Variants in TXNDC5 observed in about 807,000 individuals in gnomAD.
TXNDC5 encodes the protein thioredoxin domain containing 5, also known as thioredoxin domain-containing protein 5.
Under a neutral mutation model 52.6 loss-of-function variants are expected in TXNDC5, and 44 were observed. The ratio of observed to expected loss-of-function variants is 0.84; its 90% CI spans 0.66 to 1.08. TXNDC5 has a LOEUF of 1.08. Among genes scored for constraint, TXNDC5 ranks in the 50% least tolerant of loss-of-function variants. TXNDC5 has a pLI of 0.00. For synonymous variants in TXNDC5, 241 were observed against 234.4 expected (o/e 1.03, Z -0.26); for missense variants, 600 against 565.5 (o/e 1.06, Z -0.62).
chr6:7,893,336 G>C (rs574575057), intron 4 of TXNDC5, among the ~76,000 whole-genome samples: 86 of 152,358 alleles, frequency 5.6e-4, no homozygotes, highest in African/African-American at 2.0e-3. Flanking sequence ...TCCTTTAAAA[G>C]TTAACAACTT....
rs768919221 is a variant in TXNDC5, at chr6:7,884,403, C to T, written c.1132G>A (p.Glu378Lys). ...FPGLAGVKIA[E>K]VDCTAERNIC... ...TTCCGTTCAGCAGTGCAGTCTACTT[C>T]GGCGATCTTGACCCCCGCCAGACCA... Residue 378 changes from glutamate to lysine, a missense_variant, in exon 9 of 10, where the codon GAA becomes AAA. By Grantham distance (56) the Glu-to-Lys change is moderately conservative. Transcript: ENST00000379757. 2.5e-5 allele frequency: 40 copies of T among 1,613,964 alleles called. No individual in the cohort carries two copies. Among genetic ancestry groups the T allele is most frequent in the Middle Eastern group, 1.6e-4 (1 of 6,084 alleles).
chr6:7,892,565 CAT>C (rs557683931), intron 4 of TXNDC5, among the ~76,000 whole-genome samples: 197 of 152,358 alleles, frequency 1.3e-3, no homozygotes, highest in African/African-American at 4.2e-3. Context: ...TGAATTCCCA[CAT>C]GTCGTGGGAG....
intron 2 of TXNDC5, among the ~76,000 whole-genome samples, chr6:7,900,847 G>C (rs886452519): frequency 1.3e-5 from 2 of 152,094 alleles, no homozygotes; most frequent in African/African-American, 4.8e-5. Context: ...CTATTCATGA[G>C]AGCTCCACCC....
At chr6:7,896,899 G>A (rs1489860482) in intron 3 of TXNDC5, among the ~76,000 whole-genome samples, 1 of 152,098 alleles carries the variant, frequency 6.6e-6, no homozygotes, top group African/African-American at 2.4e-5. Context: ...AGCTGATATG[G>A]TGCTTAAGAA....
In TXNDC5 at chr6:7,899,664, G is replaced by A; in HGVS notation, c.431C>T (p.Pro144Leu). ...RGYPTLKLFK[P>L]GQEAVKYQGP... ...CTGGTACTTCACAGCTTCTTGGCCT[G>A]GCTTGAAAAGCTTTAAGCTGAAAGA... Residue 144 changes from proline to leucine, a missense_variant, in exon 3 of 10, where the codon CCA becomes CTA. Coordinates refer to ENST00000379757, the MANE Select transcript of TXNDC5 (RefSeq NM_030810.5). The A allele has an allele frequency of 3.1e-6, 5 of 1,613,940 alleles. No individual in the cohort carries two copies. Among genetic ancestry groups the A allele is most frequent in the Non-Finnish European group, 4.2e-6 (5 of 1,179,928 alleles).
chr6:7,900,194 C>T (rs552502148), intron 2 of TXNDC5: 1 of 152,508 alleles, frequency 6.6e-6, no homozygotes, highest in South Asian at 2.1e-4. Context: ...TTGACATTGA[C>T]TGATGCTGTC....
intron 3 of TXNDC5, among the ~76,000 whole-genome samples, chr6:7,898,813 T>C (rs978080594): frequency 1.3e-5 from 2 of 152,022 alleles, no homozygotes; most frequent in Admixed American, 1.3e-4. Flanking sequence ...CAACATCAAC[T>C]GGGGAGGGGG....
intron 1 of TXNDC5, among the ~76,000 whole-genome samples, chr6:7,909,397 C>T (rs1229370352): frequency 1.3e-5 from 2 of 152,190 alleles, no homozygotes; most frequent in African/African-American, 4.8e-5. Context: ...ACTTCCCTTC[C>T]TCGGGGCATC....
rs545983167 is a variant in TXNDC5 at position 7,884,236 on chromosome 6, G to A, written c.1176+123C>T. On this transcript the variant is annotated intron_variant, in intron 9 of 9. Transcript: ENST00000379757. ...TGCTTCTCCAAACAAACAACTCAAA[G>A]GGACATAAAAACCACATTGTTGAGA... 37 of 1,331,174 alleles carry A rather than the reference G, an allele frequency of 2.8e-5. No homozygotes were observed. The African/African-American group carries it at 3.2e-4, about 12-fold the overall frequency. 82.5% of individuals were successfully genotyped at this position (1,331,174 alleles called of 1,614,324 possible). A position where few individuals can be genotyped will look rare whatever the true frequency, so the allele number is the denominator to read the frequency against.
At chr6:7,890,675 G>GT (rs1760159058) in intron 5 of TXNDC5, among the ~76,000 whole-genome samples, 1 of 152,152 alleles carries the variant, frequency 6.6e-6, no homozygotes, top group South Asian at 2.1e-4. Context: ...ATATATTATC[G>GT]TAAGCGTTTA....
intron 4 of TXNDC5, among the ~76,000 whole-genome samples, chr6:7,893,066 A>T (rs1760251041): frequency 6.6e-6 from 1 of 152,230 alleles, no homozygotes. Context: ...AAAAAAGTTT[A>T]AAAAATGAAA....
intron 4 of TXNDC5, among the ~76,000 whole-genome samples, chr6:7,893,838 C>T (rs1261430525): frequency 6.6e-6 from 1 of 152,210 alleles, no homozygotes; most frequent in Non-Finnish European, 1.5e-5. Flanking sequence ...GTTTCCAACC[C>T]AGTCTTCTAA....
At chr6:7,887,240 A>T (rs1208877014) in intron 7 of TXNDC5, among the ~76,000 whole-genome samples, 1 of 152,132 alleles carries the variant, frequency 6.6e-6, no homozygotes, top group African/African-American at 2.4e-5. Context: ...TTCCAAATCC[A>T]AACTCCTGGC....
At chr6:7,888,661 G>A (rs887984518) in intron 7 of TXNDC5, 44 bp downstream of exon 7, 11 of 1,571,010 alleles carry the variant, frequency 7.0e-6, no homozygotes, top group African/African-American at 1.4e-5. Context: ...GGGGCCGGGG[G>A]CCACGGGCCA....
Position 7,891,543 on chromosome 6 carries a change from G to T in TXNDC5, c.732+78C>A, listed in dbSNP as rs566332100. 3.8e-5 allele frequency: 45 copies of T among 1,197,056 alleles called. No individual in the cohort carries two copies. In the African/African-American group the frequency reaches 5.9e-4, roughly 16 times the overall value. 74.2% of individuals were successfully genotyped at this position (1,197,056 alleles called of 1,614,324 possible). A position where few individuals can be genotyped will look rare whatever the true frequency, so the allele number is the denominator to read the frequency against. On this transcript the variant is annotated intron_variant, in intron 5 of 9. Transcript: ENST00000379757. The stretch of plus-strand genomic sequence containing the variant: ...AATCAAGTTTGCGACTTTGCACACG[G>T]AATGAATAATGGGCCACTCTGCTAA...
chr6:7,910,637 T>C lies in TXNDC5; in HGVS notation c.140A>G (p.Asp47Gly). Residue 47 changes from aspartate (D) to glycine (G), a missense_variant, in exon 1 of 10, where the codon GAC becomes GGC. Transcript: ENST00000379757. ...RAQEAAAAAA[D>G]GPPAADGEDG... ...CTCGCCGTCTGCCGCGGGGGGCCCG[T>C]CCGCCGCCGCCGCCGCCGCCTCCTG... The C allele has an allele frequency of 8.1e-7, 1 of 1,234,280 alleles. No homozygotes were observed. Among genetic ancestry groups the C allele is most frequent in the Admixed American group, 3.0e-5 (1 of 33,398 alleles). 76.5% of individuals were successfully genotyped at this position (1,234,280 alleles called of 1,614,324 possible).
chr6:7,882,105 T>C lies in TXNDC5; in HGVS notation c.*1039A>G, dbSNP rs1759767666. The C allele has an allele frequency of 6.6e-6, 1 of 152,634 alleles. No homozygotes were observed. The highest frequency in any genetic ancestry group is 1.5e-5 in the Non-Finnish European group (1 of 68,064). The allele number at this position is 152,634 out of a possible 1,614,324, so 9.5% of individuals were successfully genotyped here. A position where few individuals can be genotyped will look rare whatever the true frequency, so the allele number is the denominator to read the frequency against. On this transcript the variant is annotated 3_prime_UTR_variant, in exon 10 of 10. Coordinates refer to ENST00000379757, the MANE Select transcript of TXNDC5 (RefSeq NM_030810.5). ...GAGATCAAATGCATCCCATTCTTCA[T>C]ACATTAGAAGGTCGACCTCCTTGAA...
At chr6:7,906,769 A>G (rs1760750726) in intron 1 of TXNDC5, among the ~76,000 whole-genome samples, 1 of 152,082 alleles carries the variant, frequency 6.6e-6, no homozygotes. Flanking sequence ...AACAAGAAAA[A>G]AAAAAAGGCA....
intron 8 of TXNDC5, 137 bp from the exon 9 acceptor site, chr6:7,884,625 C>A (rs1482689245): frequency 2.4e-6 from 3 of 1,225,090 alleles, no homozygotes; most frequent in Non-Finnish European, 3.4e-6. Context: ...ATACCAAATT[C>A]TCCCACTGGG....
Sources: gnomAD v4.1 joint callset for allele counts (sites outside exome capture counted in the v4.1 genomes callset) on GRCh38, gnomAD v4.1.1 for gene constraint, MANE v1.5 for transcripts, NCBI Gene and HGNC (gene_info 2026-07-23, HGNC 2026-07-21) for gene names.